MYOZ3: variants seen among roughly 807,000 people sequenced by gnomAD.
MYOZ3 encodes the protein myozenin 3.
Under a neutral mutation model 26.5 loss-of-function variants are expected in MYOZ3, and 19 were observed. The observed-to-expected ratio is 0.72, with a 90% confidence interval of 0.50 to 1.05. MYOZ3 has a LOEUF of 1.05. MYOZ3 is among the 50% of genes least tolerant of loss of function. The pLI is 0.00. For missense variants in MYOZ3, 322 were observed against 337.1 expected, an observed-to-expected ratio of 0.96 and a Z score of 0.35; for synonymous variants, 135 against 138.8, an observed-to-expected ratio of 0.97 and a Z score of 0.19.
chr5:150,664,584 A>T (rs1758780767), intron 2 of MYOZ3, among the ~76,000 whole-genome samples: 1 of 152,224 alleles, frequency 6.6e-6, no homozygotes, highest in South Asian at 2.1e-4. Flanking sequence ...ATACTTTGCT[A>T]AGAGAAAAGT....
rs2151450971 is a variant in MYOZ3 at position 150,677,580 on chromosome 5, C to A, written c.*705C>A. ...CCCGGTGACAGGGTGCTCACTGGCA[C>A]CCCATCTTCCTGTGAATAACTCAAA... On this transcript the variant is annotated 3_prime_UTR_variant, in exon 7 of 7. Transcript: ENST00000517768. 1 of 152,442 alleles carries A rather than the reference C, an allele frequency of 6.6e-6. No homozygotes were observed. The highest frequency in any genetic ancestry group is 6.5e-5 in the Admixed American group (1 of 15,306). 9.4% of individuals were successfully genotyped at this position (152,442 alleles called of 1,614,324 possible).
At position 150,678,763 on chromosome 5, in the gene MYOZ3, G is replaced by A. The variant is rs369589040; in HGVS notation, c.*1888G>A. 3.9e-5 allele frequency: 6 copies of A among 152,308 alleles called. No individual in the cohort carries two copies. In the South Asian group the frequency reaches 1.2e-3, roughly 32 times the overall value. 9.4% of individuals were successfully genotyped at this position (152,308 alleles called of 1,614,324 possible). A position where few individuals can be genotyped will look rare whatever the true frequency, so the allele number is the denominator to read the frequency against. ...AGTGCAGGGCACATTTATAATAAGA[G>A]CTCAGTCAATGGTAGGTTTCATGCA... is the stretch of plus-strand genomic sequence containing the variant. On this transcript the variant is annotated 3_prime_UTR_variant, in exon 7 of 7. Transcript: ENST00000517768.
At chr5:150,670,394 C>A in intron 2 of MYOZ3, 90 bp from the exon 3 acceptor site, 1 of 1,386,680 alleles carries the variant, frequency 7.2e-7, no homozygotes, top group Non-Finnish European at 9.5e-7. Context: ...AACAGGCATT[C>A]TTACACACAG....
chr5:150,668,679 A>G (rs73276144), intron 2 of MYOZ3, among the ~76,000 whole-genome samples: 21,576 of 152,244 alleles, frequency 0.14, 2,886 homozygotes, highest in African/African-American at 0.36. Context: ...CTCACCTGCC[A>G]AGGTCCTCAC....
chr5:150,671,491 G>A, intron 3 of MYOZ3, 106 bp from the exon 4 acceptor site: 1 of 1,169,402 alleles, frequency 8.6e-7, no homozygotes, highest in South Asian at 1.4e-5. Flanking sequence ...GATGATGGGC[G>A]TTAGGATTCT....
chr5:150,675,526 C>G (rs768135025), intron 6 of MYOZ3, among the ~76,000 whole-genome samples: 1 of 152,108 alleles, frequency 6.6e-6, no homozygotes, highest in Non-Finnish European at 1.5e-5. Context: ...TCACCCACCA[C>G]CATGCCCATC....
rs777673303 is a variant in MYOZ3, at chr5:150,671,607, G to C, written c.227G>C (p.Gly76Ala). 1.2e-6 allele frequency: 2 copies of C among 1,613,860 alleles called. No homozygotes were observed. The highest frequency in any genetic ancestry group is 1.7e-6 in the Non-Finnish European group (2 of 1,179,894). The change falls in exon 4 of 7, where the codon GGA becomes GCA. Residue 76 changes from glycine to alanine, a missense_variant. Physicochemically the swap from Gly to Ala is moderately conservative, Grantham distance 60. Coordinates refer to ENST00000517768, the MANE Select transcript of MYOZ3 (RefSeq NM_001122853.3). ...CCCCCTCGTTCCCAGATGCTGGCCG[G>C]AAGCGCCAGGAGGAAGGTGACTGGA... ...LAASQRAMLA[G>A]SARRKVTGTA...
chr5:150,663,063 C>T, intron 2 of MYOZ3, 61 bp downstream of exon 2: 4 of 1,438,778 alleles, frequency 2.8e-6, no homozygotes, highest in Non-Finnish European at 3.8e-6. Flanking sequence ...TCCCAGGCTG[C>T]ACTCACTCTG....
In MYOZ3 at chr5:150,670,490, C is replaced by T. The variant is rs146765925; in HGVS notation, c.68C>T (p.Thr23Met). The T allele has an allele frequency of 6.8e-6, 11 of 1,609,988 alleles. No homozygotes were observed. The highest frequency in any genetic ancestry group is 1.7e-4 in the Middle Eastern group (1 of 5,998). The part of the protein sequence containing the change: ...AMGDLTEPVP[T>M]LDLGKKLSVP... ...CTCTGGCCTTTCCTGGCAGTCCCTA[C>T]GCTGGACCTGGGCAAGAAGCTGAGC... Residue 23 changes from threonine to methionine, a missense_variant, in exon 3 of 7, where the codon ACG becomes ATG. Physicochemically the swap from Thr to Met is moderately conservative, Grantham distance 81. Transcript: ENST00000517768.
chr5:150,670,215 T>C (rs578007157), intron 2 of MYOZ3: 6 of 317,058 alleles, frequency 1.9e-5, no homozygotes, highest in African/African-American at 1.3e-4. Context: ...AAGACCTGCA[T>C]GGGGAATTCA....
chr5:150,666,596 A>G (rs1454427201), intron 2 of MYOZ3, among the ~76,000 whole-genome samples: 3 of 146,156 alleles, frequency 2.1e-5, no homozygotes, highest in Admixed American at 6.8e-5. Context: ...CCTGGGCAAC[A>G]GAGCAAGACT....
chr5:150,665,511 A>G (rs915865845), intron 2 of MYOZ3, among the ~76,000 whole-genome samples: 1 of 152,202 alleles, frequency 6.6e-6, no homozygotes, highest in Non-Finnish European at 1.5e-5. Context: ...ATTCTTATAC[A>G]TGTATCTTTG....
intron 2 of MYOZ3, among the ~76,000 whole-genome samples, chr5:150,665,133 C>T (rs1758788863): frequency 6.6e-6 from 1 of 152,042 alleles, no homozygotes; most frequent in Non-Finnish European, 1.5e-5. Context: ...TTTAACCATC[C>T]CCTGATGAGG....
chr5:150,674,265 G>A (rs1267668968), intron 6 of MYOZ3, among the ~76,000 whole-genome samples: 3 of 152,198 alleles, frequency 2.0e-5, no homozygotes, highest in Non-Finnish European at 4.4e-5. Context: ...GTCCTGGCAG[G>A]CAGCTTCCAG....
intron 6 of MYOZ3, 147 bp downstream of exon 6, chr5:150,672,649 G>A: frequency 2.1e-6 from 2 of 947,544 alleles, no homozygotes; most frequent in Non-Finnish European, 3.1e-6. Flanking sequence ...GCTCTGGCTG[G>A]AACAGCGCCT....
intron 2 of MYOZ3, among the ~76,000 whole-genome samples, chr5:150,665,962 G>A (rs1198831860): frequency 5.9e-5 from 9 of 151,346 alleles, no homozygotes; most frequent in Non-Finnish European, 1.2e-4. Flanking sequence ...TTGAACCCGG[G>A]AGGCAGAGGT....
intron 2 of MYOZ3, 66 bp downstream of exon 2, chr5:150,663,068 A>ACT: frequency 7.2e-7 from 1 of 1,394,124 alleles, no homozygotes; most frequent in Non-Finnish European, 9.9e-7. Flanking sequence ...GGCTGCACTC[A>ACT]CTCTGGCCTG....
At chr5:150,671,699 C>G (rs200289640) in intron 4 of MYOZ3, 49 bp downstream of exon 4, 4 of 1,613,116 alleles carry the variant, frequency 2.5e-6, no homozygotes, top group Non-Finnish European at 3.4e-6. Context: ...GGAAGGGGAG[C>G]GCGGCTGGGG....
intron 2 of MYOZ3, among the ~76,000 whole-genome samples, chr5:150,667,505 G>T (rs924784832): frequency 3.9e-5 from 6 of 152,102 alleles, no homozygotes; most frequent in Non-Finnish European, 7.3e-5. Flanking sequence ...CCTCTGGCTG[G>T]GCTCTGGAAA....
Sources: gnomAD v4.1 joint callset for allele counts (sites outside exome capture counted in the v4.1 genomes callset) on GRCh38, gnomAD v4.1.1 for gene constraint, MANE v1.5 for transcripts, NCBI Gene and HGNC (gene_info 2026-07-23, HGNC 2026-07-21) for gene names.